The following TMEM248 variants were observed in gnomAD, a reference collection of about 807,000 sequenced individuals.
TMEM248 encodes the protein UPF0458 protein C7orf42.
Under a neutral mutation model 30.3 loss-of-function variants are expected in TMEM248, and 9 were observed. The observed-to-expected ratio is 0.30, with a 90% CI of 0.18 to 0.52. TMEM248 has a LOEUF of 0.52. TMEM248 is among the 20% of genes least tolerant of loss of function. The probability of loss-of-function intolerance (pLI) is 0.97; values close to 1 mark genes in which losing one functional copy is unlikely to be tolerated. For missense variants in TMEM248, 338 were observed against 403.3 expected (o/e 0.84, Z 1.39); for synonymous variants, 184 against 154.4 (o/e 1.19, Z -1.42).
chr7:66,942,856 G>A (rs1057439418), intron 2 of TMEM248, among the ~76,000 whole-genome samples: 1 of 149,910 alleles, frequency 6.7e-6, no homozygotes, highest in African/African-American at 2.5e-5. Context: ...CCTTCTTCTT[G>A]GGTTTGTTGG....
intron 1 of TMEM248, among the ~76,000 whole-genome samples, chr7:66,937,217 A>G (rs190832552): frequency 5.9e-5 from 9 of 152,286 alleles, no homozygotes; most frequent in Admixed American, 1.3e-4. Flanking sequence ...ATGTGTTTGT[A>G]TAGTTTCCAG....
intron 6 of TMEM248, among the ~76,000 whole-genome samples, chr7:66,953,903 G>C (rs1011776178): frequency 1.4e-5 from 2 of 147,734 alleles, no homozygotes. Context: ...ACTGTGCCCA[G>C]CTCATCCTCT....
chr7:66,936,638 C>T (rs529736948), intron 1 of TMEM248, among the ~76,000 whole-genome samples: 107 of 152,024 alleles, frequency 7.0e-4, no homozygotes, highest in Middle Eastern at 3.4e-3. Flanking sequence ...GGTATTAGTT[C>T]TTCTTTTAGT....
In TMEM248 at chr7:66,957,794, T is replaced by C. The variant is rs1584421977; in HGVS notation, c.*2272T>C. ...TCTGTAGCTAGGGGAGGGGCAACAC[T>C]GTTAGATGTGAGGAAAGGAAGTGCC... On this transcript the variant is annotated 3_prime_UTR_variant, in exon 7 of 7. Transcript: ENST00000341567. The C allele has an allele frequency of 1.3e-5, 2 of 152,226 alleles. No individual in the cohort carries two copies. The highest frequency in any genetic ancestry group is 6.5e-5 in the Admixed American group (1 of 15,276). The allele number at this position is 152,226 out of a possible 1,614,324, so 9.4% of individuals were successfully genotyped here.
chr7:66,952,971 G>A (rs1792307835), intron 5 of TMEM248, among the ~76,000 whole-genome samples: 1 of 152,192 alleles, frequency 6.6e-6, no homozygotes, highest in Non-Finnish European at 1.5e-5. Context: ...GTGTGGGGGT[G>A]CAGAAGGCAG....
chr7:66,944,327 A>G (rs1393219304), intron 2 of TMEM248, among the ~76,000 whole-genome samples: 2 of 150,852 alleles, frequency 1.3e-5, no homozygotes, highest in Non-Finnish European at 3.0e-5. Context: ...CTGGTCTCGA[A>G]CTCCTGACCT....
At chr7:66,926,549 T>A (rs1791528771) in intron 1 of TMEM248, among the ~76,000 whole-genome samples, 1 of 150,232 alleles carries the variant, frequency 6.7e-6, no homozygotes, top group Admixed American at 6.7e-5. Flanking sequence ...AGCAGGAGAA[T>A]CACTTGAACC....
chr7:66,943,858 C>T (rs909846092), intron 2 of TMEM248, among the ~76,000 whole-genome samples: 12 of 151,288 alleles, frequency 7.9e-5, no homozygotes, highest in Admixed American at 1.3e-4. Flanking sequence ...ACTTCAGTGG[C>T]GCGATCTTGG....
chr7:66,942,285 A>G (rs1050299565), intron 2 of TMEM248, among the ~76,000 whole-genome samples: 3 of 152,210 alleles, frequency 2.0e-5, no homozygotes, highest in Non-Finnish European at 4.4e-5. Context: ...TGGAGAGTAC[A>G]TTTGTAAAAT....
At position 66,929,560 on chromosome 7, in the gene TMEM248, C is replaced by T. The variant is rs190597336; in HGVS notation, c.-19+8099C>T. Among the ~76,000 whole-genome samples the T allele has an allele frequency of 4.6e-5, 7 of 151,154 alleles. No homozygotes were observed. In the East Asian group the frequency reaches 1.4e-3, roughly 30 times the overall value. ...CAAGCGATTCTCCTGTCTCAGCTTCCTGAGTAGCTGGCATTATAGGCGTGC... is the reference window on the plus strand; with the variant it reads ...CAAGCGATTCTCCTGTCTCAGCTTCTTGAGTAGCTGGCATTATAGGCGTGC... On this transcript the variant is annotated intron_variant, in intron 1 of 6. Coordinates refer to ENST00000341567, the MANE Select transcript of TMEM248 (RefSeq NM_017994.5).
rs558091978 is a variant in TMEM248, at chr7:66,954,416, C to T, written c.924+1047C>T. ...TTTTTTTTTTTTTGAGACAGGGTCT[C>T]ACTTTGTCACCCAGGCTGGAGTAGA... On this transcript the variant is annotated intron_variant, in intron 6 of 6. Transcript: ENST00000341567. 1.6e-4 allele frequency among the ~76,000 whole-genome samples: 20 copies of T among 127,984 alleles called. No homozygotes were observed. In the South Asian group the frequency reaches 4.7e-3, roughly 30 times the overall value. 84.0% of individuals were successfully genotyped at this position (127,984 alleles called of 152,430 possible).
At chr7:66,945,793 T>C (rs1792085217) in intron 3 of TMEM248, among the ~76,000 whole-genome samples, 1 of 151,658 alleles carries the variant, frequency 6.6e-6, no homozygotes, top group Non-Finnish European at 1.5e-5. Flanking sequence ...ACTACTAAAA[T>C]ACAAAAAATT....
chr7:66,938,019 C>T (rs1200404606), intron 1 of TMEM248, among the ~76,000 whole-genome samples: 1 of 152,140 alleles, frequency 6.6e-6, no homozygotes, highest in African/African-American at 2.4e-5. Context: ...AGCCACTGCG[C>T]CCGGTTATTT....
chr7:66,926,714 G>A (rs1352444909), intron 1 of TMEM248, among the ~76,000 whole-genome samples: 1 of 151,752 alleles, frequency 6.6e-6, no homozygotes, highest in Non-Finnish European at 1.5e-5. Flanking sequence ...AAAACAGAAA[G>A]GAGGAAAGAT....
chr7:66,953,161 C>G, intron 5 of TMEM248, 65 bp from the exon 6 acceptor site: 1 of 1,559,298 alleles, frequency 6.4e-7, no homozygotes, highest in Non-Finnish European at 8.7e-7. Context: ...TCTCAAAACC[C>G]AGCATTAAAA....
chr7:66,942,476 A>G (rs1294776285), intron 2 of TMEM248, among the ~76,000 whole-genome samples: 1 of 152,218 alleles, frequency 6.6e-6, no homozygotes, highest in Non-Finnish European at 1.5e-5. Flanking sequence ...ATTCAAAAAC[A>G]GGACCTAATT....
chr7:66,942,108 G>A, intron 2 of TMEM248, 84 bp downstream of exon 2: 1 of 1,446,238 alleles, frequency 6.9e-7, no homozygotes. Context: ...TAGCTTTCTT[G>A]GGTTTTGGCC....
chr7:66,952,663 A>G (rs1792297480), intron 5 of TMEM248, among the ~76,000 whole-genome samples: 1 of 152,184 alleles, frequency 6.6e-6, no homozygotes, highest in Non-Finnish European at 1.5e-5. Context: ...CTGGGAATTG[A>G]CTGCATGTGG....
chr7:66,953,537 G>A (rs1792323234), intron 6 of TMEM248, among the ~76,000 whole-genome samples, 168 bp downstream of exon 6: 1 of 152,118 alleles, frequency 6.6e-6, no homozygotes, highest in Non-Finnish European at 1.5e-5. Context: ...GGTGGATATC[G>A]AAATTCATGA....
Sources: allele counts gnomAD v4.1 joint callset (sites outside exome capture counted in the v4.1 genomes callset), GRCh38; gene constraint gnomAD v4.1.1; transcripts MANE v1.5; gene names NCBI Gene and HGNC (gene_info 2026-07-23, HGNC 2026-07-21).